Variants in ABLIM3 observed in about 807,000 individuals in gnomAD.
The protein encoded by ABLIM3 is actin-binding LIM protein 3.
Under a neutral mutation model 109.5 loss-of-function variants are expected in ABLIM3, and 61 were observed. The ratio of observed to expected loss-of-function variants is 0.56; its 90% CI spans 0.45 to 0.69. The LOEUF is 0.69. ABLIM3 is among the 30% of genes least tolerant of loss of function. The pLI, the probability that ABLIM3 is intolerant of heterozygous loss-of-function variation, is 0.00. For synonymous variants in ABLIM3, 300 were observed against 324.8 expected (o/e 0.92, Z 0.82); for missense variants, 796 against 889.5 (o/e 0.89, Z 1.34).
In ABLIM3 at chr5:149,204,947, G is replaced by A. The variant is rs372299019; in HGVS notation, c.449-2061G>A. 3.9e-5 allele frequency among the ~76,000 whole-genome samples: 6 copies of A among 152,320 alleles called. No individual in the cohort carries two copies. In the South Asian group the frequency reaches 6.2e-4, roughly 16 times the overall value. ...CGAAGAGATAGGATTCATTTCTAGAGTATGGCCATGAAAGGATACAGCTAT... is the reference window on the plus strand; with the variant it reads ...CGAAGAGATAGGATTCATTTCTAGAATATGGCCATGAAAGGATACAGCTAT... On this transcript the variant is annotated intron_variant, in intron 5 of 23. Transcript: ENST00000309868.
rs978967647 is a variant in ABLIM3, at chr5:149,259,945, C to G, written c.*1541C>G. The G allele has an allele frequency of 1.2e-5, 3 of 241,014 alleles. No individual in the cohort carries two copies. Among genetic ancestry groups the G allele is most frequent in the African/African-American group, 4.5e-5 (2 of 44,442 alleles). The allele number at this position is 241,014 out of a possible 1,614,324, so 14.9% of individuals were successfully genotyped here. A position where few individuals can be genotyped will look rare whatever the true frequency, so the allele number is the denominator to read the frequency against. On this transcript the variant is annotated 3_prime_UTR_variant, in exon 24 of 24. Coordinates refer to ENST00000309868, the MANE Select transcript of ABLIM3 (RefSeq NM_014945.5). ...TGAATGGGGGAGGGGGAGGGGAGCA[C>G]GGGGTGAGTCAACCTGGGACTCGGT...
At chr5:149,158,501 A>G (rs1201964932) in intron 2 of ABLIM3, among the ~76,000 whole-genome samples, 1 of 152,250 alleles carries the variant, frequency 6.6e-6, no homozygotes, top group Non-Finnish European at 1.5e-5. Context: ...TATGTAAAAC[A>G]CTTTGAGCTG....
At chr5:149,145,949 T>C (rs1752887856) in intron 2 of ABLIM3, among the ~76,000 whole-genome samples, 2 of 151,976 alleles carry the variant, frequency 1.3e-5, no homozygotes, top group African/African-American at 4.8e-5. Flanking sequence ...CCAGGCCCAG[T>C]TAAGTTTTGT....
Position 149,167,690 on chromosome 5 carries a change from G to T in ABLIM3, c.14-15762G>T, listed in dbSNP as rs142686459. 2.0e-5 allele frequency among the ~76,000 whole-genome samples: 3 copies of T among 152,242 alleles called. No individual in the cohort carries two copies. The South Asian group carries it at 6.2e-4, about 32-fold the overall frequency. On this transcript the variant is annotated intron_variant, in intron 2 of 23. Transcript: ENST00000309868. ...CTCAGAATTAGGACTAGAGAGATAA[G>T]CTCAAGAGATACCGTCCCTGCCCTC...
chr5:149,222,699 C>G (rs1212568285), intron 8 of ABLIM3, among the ~76,000 whole-genome samples: 1 of 125,526 alleles, frequency 8.0e-6, no homozygotes, highest in East Asian at 2.3e-4. Context: ...TCAGAGGATA[C>G]AAGGTCCTGG....
At position 149,258,869 on chromosome 5, in the gene ABLIM3, C is replaced by T. The variant is rs1007857422; in HGVS notation, c.*465C>T. ...CCCCAAATCAGTGAGCACCTTTGAG[C>T]GCCCACGAAGAACTTTCTCAACACC... On this transcript the variant is annotated 3_prime_UTR_variant, in exon 24 of 24. Coordinates refer to ENST00000309868, the MANE Select transcript of ABLIM3 (RefSeq NM_014945.5). 3.6e-5 allele frequency: 36 copies of T among 989,698 alleles called. No homozygotes were observed. The highest frequency in any genetic ancestry group is 4.2e-5 in the Non-Finnish European group (35 of 832,966). The allele number at this position is 989,698 out of a possible 1,614,324, so 61.3% of individuals were successfully genotyped here.
chr5:149,247,718 C>T lies in ABLIM3; in HGVS notation c.1552-64C>T. ...GATGTGATCCTCAGCCTTGCCCAAG[C>T]CCGTTCCATCTCAGTGTCCTTTGTT... is the stretch of plus-strand genomic sequence containing the variant. On this transcript the variant is annotated intron_variant, in intron 17 of 23. Transcript: ENST00000309868. 8 of 1,607,542 alleles carry T rather than the reference C, an allele frequency of 5.0e-6. No homozygotes were observed. In the South Asian group the frequency reaches 8.8e-5, roughly 18 times the overall value.
chr5:149,214,368 C>G (rs1419481645), intron 7 of ABLIM3, among the ~76,000 whole-genome samples: 1 of 152,186 alleles, frequency 6.6e-6, no homozygotes, highest in African/African-American at 2.4e-5. Context: ...CACCAGTTGC[C>G]CCAGGCTTAG....
intron 11 of ABLIM3, among the ~76,000 whole-genome samples, chr5:149,239,042 G>A (rs143448666): frequency 4.5e-4 from 69 of 152,272 alleles, no homozygotes; most frequent in African/African-American, 1.6e-3. Flanking sequence ...TTCCTAAAAG[G>A]CGGGCATAAT....
intron 7 of ABLIM3, among the ~76,000 whole-genome samples, chr5:149,212,693 T>C (rs1759680984): frequency 6.6e-6 from 1 of 152,164 alleles, no homozygotes; most frequent in Non-Finnish European, 1.5e-5. Flanking sequence ...TATCTATTTC[T>C]GAGGGATAGG....
intron 2 of ABLIM3, among the ~76,000 whole-genome samples, chr5:149,158,484 G>GTA (rs998726855): frequency 2.2e-4 from 33 of 152,046 alleles, no homozygotes; most frequent in African/African-American, 8.0e-4. Flanking sequence ...TTGCATGGTT[G>GTA]TATATATATG....
intron 7 of ABLIM3, chr5:149,216,530 T>TG (rs1367507152): frequency 6.4e-6 from 1 of 156,802 alleles, no homozygotes; most frequent in Non-Finnish European, 1.4e-5. Flanking sequence ...ATCTTTTTTT[T>TG]TTTTCCATTG....
At chr5:149,169,230 T>C (rs1486682756) in intron 2 of ABLIM3, among the ~76,000 whole-genome samples, 1 of 152,144 alleles carries the variant, frequency 6.6e-6, no homozygotes. Context: ...GCTTGAACAA[T>C]CTAAACACAT....
chr5:149,176,228 G>A (rs1311545345), intron 2 of ABLIM3, among the ~76,000 whole-genome samples: 2 of 152,084 alleles, frequency 1.3e-5, no homozygotes, highest in African/African-American at 4.8e-5. Flanking sequence ...GACATCCCTG[G>A]CCCTGGAGCA....
In ABLIM3 at chr5:149,200,446, G is replaced by A; in HGVS notation, c.448+18G>A. 1 of 1,606,450 alleles carries A rather than the reference G, an allele frequency of 6.2e-7. No homozygotes were observed. Among genetic ancestry groups the A allele is most frequent in the South Asian group, 1.1e-5 (1 of 90,902 alleles). On this transcript the variant is annotated intron_variant, in intron 5 of 23. Transcript: ENST00000309868. ...ACCAAGCCGTGAGTCCTCCCCACGG[G>A]TATCTCCCTGTCCATGGGTGTGATC... is the stretch of plus-strand genomic sequence containing the variant.
chr5:149,164,741 G>C (rs1754676740), intron 2 of ABLIM3, among the ~76,000 whole-genome samples: 1 of 152,200 alleles, frequency 6.6e-6, no homozygotes, highest in Non-Finnish European at 1.5e-5. Flanking sequence ...GAGGAGGGGA[G>C]AAGCAGGAAG....
intron 2 of ABLIM3, among the ~76,000 whole-genome samples, chr5:149,143,373 A>G (rs1333157742): frequency 6.6e-6 from 1 of 151,826 alleles, no homozygotes; most frequent in Non-Finnish European, 1.5e-5. Flanking sequence ...AAAAAATAAT[A>G]ATAATAATAA....
intron 5 of ABLIM3, among the ~76,000 whole-genome samples, chr5:149,205,885 C>A (rs1460524156): frequency 6.6e-6 from 1 of 152,186 alleles, no homozygotes; most frequent in Non-Finnish European, 1.5e-5. Flanking sequence ...GGACCCACCA[C>A]CCTTCCTAGA....
chr5:149,200,258 C>A, intron 4 of ABLIM3, 58 bp from the exon 5 acceptor site: 1 of 1,469,470 alleles, frequency 6.8e-7, no homozygotes, highest in Non-Finnish European at 9.5e-7. Context: ...CATGTGTGGT[C>A]AGCTACAGAA....
Sources: gnomAD v4.1 joint callset for allele counts (sites outside exome capture counted in the v4.1 genomes callset) on GRCh38, gnomAD v4.1.1 for gene constraint, MANE v1.5 for transcripts, NCBI Gene and HGNC (gene_info 2026-07-23, HGNC 2026-07-21) for gene names.